Variants in C1orf87 observed in about 807,000 individuals in gnomAD.
C1orf87 encodes the protein chromosome 1 open reading frame 87, also known as uncharacterized protein C1orf87.
C1orf87 carries 58 observed loss-of-function variants against 60.5 expected under a neutral mutation model. The observed-to-expected ratio is 0.96, with a 90% confidence interval of 0.78 to 1.19. The LOEUF (loss-of-function observed/expected upper bound fraction) is 1.19, where lower values mean the gene tolerates loss of function less well. Ranked by LOEUF, C1orf87 falls within the 50% of genes most tolerant of loss-of-function variation. The pLI is 0.00. For missense variants in C1orf87, 673 were observed against 638.6 expected (o/e 1.05, Z -0.58); for synonymous variants, 236 against 227.4 (o/e 1.04, Z -0.34).
intron 11 of C1orf87, among the ~76,000 whole-genome samples, chr1:59,996,060 AG>A (rs1644961527): frequency 6.6e-6 from 1 of 151,924 alleles, no homozygotes; most frequent in African/African-American, 2.4e-5. Flanking sequence ...TAAAATTTTC[AG>A]GTTTTTTTTT....
intron 11 of C1orf87, among the ~76,000 whole-genome samples, chr1:59,993,830 T>A (rs1007223801): frequency 1.3e-5 from 2 of 150,034 alleles, no homozygotes; most frequent in Non-Finnish European, 3.0e-5. Flanking sequence ...ATGATCCCGG[T>A]TCACTGCAAC....
intron 8 of C1orf87, among the ~76,000 whole-genome samples, chr1:60,021,025 C>T (rs1018470102): frequency 6.6e-6 from 1 of 152,164 alleles, no homozygotes; most frequent in African/African-American, 2.4e-5. Flanking sequence ...TGGTTTAAAA[C>T]TGTGGCACTT....
Position 60,037,980 on chromosome 1 carries a change from GGAGAA to G in C1orf87, c.863+7_863+11del. The G allele has an allele frequency of 1.3e-6, 2 of 1,576,382 alleles. No homozygotes were observed. Among genetic ancestry groups the G allele is most frequent in the Non-Finnish European group, 1.7e-6 (2 of 1,148,818 alleles). On this transcript the variant is annotated splice_region_variant and intron_variant, in intron 6 of 11. Transcript: ENST00000371201. ...CTAGGAACAATACCCTCACAAAAAG[GGAGAA>G]GAGTACCTTTGGCTATGAGTGCCAT...
intron 4 of C1orf87, 111 bp from the exon 5 acceptor site, chr1:60,040,291 C>T: frequency 7.2e-7 from 1 of 1,386,296 alleles, no homozygotes; most frequent in Non-Finnish European, 9.7e-7. Context: ...CACTCGCAGT[C>T]CTGGCCTGGA....
Position 59,990,784 on chromosome 1 carries a change from G to A in C1orf87, c.1530C>T (p.Leu510=), listed in dbSNP as rs1247541262. The A allele has an allele frequency of 1.2e-6, 2 of 1,614,000 alleles. No homozygotes were observed. Among genetic ancestry groups the A allele is most frequent in the Non-Finnish European group, 1.7e-6 (2 of 1,179,970 alleles). ...RARRLIHNYN[L]IYNLSLSPQK... ...GAGGGCTCAGGGACAGGTTGTAAAT[G>A]AGATTGTAGTTGTGAATGAGGCGTC... The change falls in exon 12 of 12, where the codon CTC becomes CTT. Residue 510 remains leucine (L), a synonymous_variant. Transcript: ENST00000371201.
At chr1:60,008,167 T>C (rs1645059248) in intron 9 of C1orf87, among the ~76,000 whole-genome samples, 2 of 152,086 alleles carry the variant, frequency 1.3e-5, no homozygotes, top group South Asian at 4.1e-4. Context: ...TCTGTAGTTC[T>C]GGAGAGTGAC....
At chr1:60,006,464 C>A (rs948574364) in intron 9 of C1orf87, among the ~76,000 whole-genome samples, 8 of 152,000 alleles carry the variant, frequency 5.3e-5, no homozygotes, top group African/African-American at 1.9e-4. Flanking sequence ...AAGCCTTCAC[C>A]ATTTTTCTGT....
chr1:60,021,896 C>A (rs1645165805), intron 8 of C1orf87, among the ~76,000 whole-genome samples: 1 of 151,840 alleles, frequency 6.6e-6, no homozygotes, highest in Admixed American at 6.6e-5. Context: ...GATATTTGAG[C>A]AAAAACTTGA....
chr1:60,017,296 C>T (rs978171979), intron 8 of C1orf87, among the ~76,000 whole-genome samples: 6 of 152,168 alleles, frequency 3.9e-5, no homozygotes, highest in Non-Finnish European at 8.8e-5. Context: ...TTCCTATTCC[C>T]GTCAGAAGTA....
rs940375471 is a variant in C1orf87 at position 60,040,978 on chromosome 1, T to A, written c.483+13A>T. ...TACAATAGACACAACTCAACAACTC[T>A]TAGTATACACACCTCAGGTTGGTCA... is the stretch of plus-strand genomic sequence containing the variant. On this transcript the variant is annotated intron_variant, in intron 4 of 11. Transcript: ENST00000371201. 1.9e-6 allele frequency: 3 copies of A among 1,589,804 alleles called. No individual in the cohort carries two copies. In the South Asian group the frequency reaches 3.4e-5, roughly 18 times the overall value.
At chr1:60,000,944 G>C in intron 10 of C1orf87, 133 bp downstream of exon 10, 1 of 715,562 alleles carries the variant, frequency 1.4e-6, no homozygotes, top group Non-Finnish European at 2.3e-6. Flanking sequence ...GAGTCTTGAA[G>C]TCAAAGACAG....
intron 6 of C1orf87, among the ~76,000 whole-genome samples, chr1:60,037,568 T>G (rs1348730656): frequency 6.6e-6 from 1 of 152,130 alleles, no homozygotes. Flanking sequence ...GGTAACGAAC[T>G]CACTCCTGAG....
At chr1:60,047,477 A>G (rs1645380922) in intron 3 of C1orf87, among the ~76,000 whole-genome samples, 2 of 152,144 alleles carry the variant, frequency 1.3e-5, no homozygotes, top group South Asian at 2.1e-4. Context: ...TGCTTTCGTT[A>G]TAAGTGGATA....
chr1:60,045,442 C>T (rs1477362503), intron 3 of C1orf87, among the ~76,000 whole-genome samples: 1 of 152,006 alleles, frequency 6.6e-6, no homozygotes, highest in East Asian at 1.9e-4. Context: ...CTCATATTTG[C>T]AACAATGTAT....
intron 3 of C1orf87, among the ~76,000 whole-genome samples, chr1:60,043,188 A>G (rs1263238402): frequency 6.6e-6 from 1 of 152,210 alleles, no homozygotes; most frequent in Non-Finnish European, 1.5e-5. Context: ...GAGAAAGGCA[A>G]TGAATTACCT....
chr1:60,027,473 C>T (rs1179862800), intron 7 of C1orf87, among the ~76,000 whole-genome samples: 3 of 152,128 alleles, frequency 2.0e-5, no homozygotes, highest in Non-Finnish European at 2.9e-5. Flanking sequence ...GTGGCCTGGC[C>T]CCGCATGGTG....
At chr1:59,997,866 TC>T in intron 10 of C1orf87, 50 bp from the exon 11 acceptor site, 1 of 1,561,862 alleles carries the variant, frequency 6.4e-7, no homozygotes. Flanking sequence ...CCAGAGCTTC[TC>T]CAATCTCTTG....
intron 8 of C1orf87, among the ~76,000 whole-genome samples, chr1:60,021,354 TCA>T (rs2100270724): frequency 1.3e-5 from 2 of 152,230 alleles, no homozygotes; most frequent in East Asian, 3.9e-4. Context: ...AACTAACAAA[TCA>T]CACAAATACA....
intron 2 of C1orf87, among the ~76,000 whole-genome samples, chr1:60,071,468 T>C (rs1442481019): frequency 5.3e-5 from 8 of 152,214 alleles, no homozygotes; most frequent in Admixed American, 5.2e-4. Context: ...GGATCCCAAA[T>C]GTATGAATCA....
Sources: gnomAD v4.1 joint callset for allele counts (sites outside exome capture counted in the v4.1 genomes callset) on GRCh38, gnomAD v4.1.1 for gene constraint, MANE v1.5 for transcripts, NCBI Gene and HGNC (gene_info 2026-07-23, HGNC 2026-07-21) for gene names.